Variants in BSND observed in about 807,000 individuals in gnomAD.
BSND encodes barttin.
BSND carries 13 observed loss-of-function variants against 18.8 expected under a neutral mutation model. The ratio of observed to expected loss-of-function variants is 0.69; its 90% CI spans 0.45 to 1.10. BSND has a LOEUF of 1.10. Ranked by LOEUF, BSND falls within the 50% of genes least tolerant of loss-of-function variation. The probability of loss-of-function intolerance (pLI) is 0.00; values close to 1 mark genes in which losing one functional copy is unlikely to be tolerated. For missense variants in BSND, 379 were observed against 416.7 expected (o/e 0.91, Z 0.79); for synonymous variants, 170 against 161.8 (o/e 1.05, Z -0.39).
intron 1 of BSND, among the ~76,000 whole-genome samples, chr1:55,003,130 C>G (rs576071686): frequency 4.0e-3 from 75 of 18,902 alleles, no homozygotes; most frequent in African/African-American, 0.011. Flanking sequence ...GAGGAAGAGG[C>G]AGCTTCTAGG....
rs757022807 is a variant in BSND at position 55,007,276 on chromosome 1, A to G, written c.548+4A>G. 7.4e-7 allele frequency: 1 copy of G among 1,359,490 alleles called. No homozygotes were observed. Among genetic ancestry groups the G allele is most frequent in the South Asian group, 1.2e-5 (1 of 86,236 alleles). 84.2% of individuals were successfully genotyped at this position (1,359,490 alleles called of 1,614,324 possible). A position where few individuals can be genotyped will look rare whatever the true frequency, so the allele number is the denominator to read the frequency against. Reference sequence around the variant, plus strand: ...GCCTAACTCAGAGCTGGCCCGGGTGAGTGCTTAGAGGGCAGGAGTGGGGCT... The same window carrying G: ...GCCTAACTCAGAGCTGGCCCGGGTGGGTGCTTAGAGGGCAGGAGTGGGGCT... On this transcript the variant is annotated splice_donor_region_variant and intron_variant, in intron 3 of 3. Coordinates refer to ENST00000651561, the MANE Select transcript of BSND (RefSeq NM_057176.3).
Position 54,999,278 on chromosome 1 carries a change from C to T in BSND, c.92C>T (p.Pro31Leu). 1.2e-6 allele frequency: 2 copies of T among 1,614,098 alleles called. No individual in the cohort carries two copies. Among genetic ancestry groups the T allele is most frequent in the Non-Finnish European group, 8.5e-7 (1 of 1,180,018 alleles). ...LGTFLMSHDR[P>L]QVYGTFYAMG... ...ACGTTCCTCATGAGCCATGATCGGC[C>T]CCAGGTCTACGGCACCTTCTATGCC... Residue 31 changes from proline (P) to leucine (L), a missense_variant, in exon 1 of 4, where the codon CCC (proline) becomes CTC (leucine). By Grantham distance (98) the Pro-to-Leu change is moderately conservative. Coordinates refer to ENST00000651561, the MANE Select transcript of BSND (RefSeq NM_057176.3).
chr1:55,001,848 C>T (rs2101645924), intron 1 of BSND, among the ~76,000 whole-genome samples: 1 of 152,136 alleles, frequency 6.6e-6, no homozygotes, highest in East Asian at 1.9e-4. Flanking sequence ...ATGATCAAAG[C>T]AATGTGGTAA....
chr1:55,002,366 A>G (rs1570270816), intron 1 of BSND, among the ~76,000 whole-genome samples: 1 of 152,138 alleles, frequency 6.6e-6, no homozygotes, highest in African/African-American at 2.4e-5. Flanking sequence ...GGGGCAGGGG[A>G]GCTGTGAGCA....
rs1196130606 is a variant in BSND, at chr1:55,017,041, T to C, written c.*8413T>C. 1.3e-5 allele frequency among the ~76,000 whole-genome samples: 2 copies of C among 152,258 alleles called. No individual in the cohort carries two copies. Among genetic ancestry groups the C allele is most frequent in the African/African-American group, 2.4e-5 (1 of 41,472 alleles). ...TACATTTCTTTGTGAATTTCTTTGA[T>C]GAATTTCTATCTCCTTCATTGGACG... On this transcript the variant is annotated 3_prime_UTR_variant, in exon 4 of 4. Coordinates refer to ENST00000651561, the MANE Select transcript of BSND (RefSeq NM_057176.3).
intron 1 of BSND, among the ~76,000 whole-genome samples, chr1:54,999,893 C>G (rs1380817118): frequency 1.3e-5 from 2 of 152,178 alleles, no homozygotes; most frequent in Admixed American, 1.3e-4. Flanking sequence ...ACTGAGAGCT[C>G]CAGGGTAGGT....
In BSND at chr1:55,014,030, A is replaced by C. The variant is rs1490696136; in HGVS notation, c.*5402A>C. ...GCACCCTCTCCTCCGAATCCCTCCT[A>C]AACTGTGTGCCCCGCTCTGTCCCCA... On this transcript the variant is annotated 3_prime_UTR_variant, in exon 4 of 4. Coordinates refer to ENST00000651561, the MANE Select transcript of BSND (RefSeq NM_057176.3). Among the ~76,000 whole-genome samples, 2 of 152,086 alleles carry C rather than the reference A, an allele frequency of 1.3e-5. No individual in the cohort carries two copies. Among genetic ancestry groups the C allele is most frequent in the African/African-American group, 4.8e-5 (2 of 41,424 alleles).
rs780336269 is a variant in BSND at position 55,008,497 on chromosome 1, A to C, written c.832A>C (p.Lys278Gln). 3.7e-6 allele frequency: 6 copies of C among 1,614,052 alleles called. No individual in the cohort carries two copies. The Admixed American group carries it at 1.0e-4, about 27-fold the overall frequency. The change falls in exon 4 of 4, where the codon AAG becomes CAG. Residue 278 changes from lysine to glutamine, a missense_variant. Transcript: ENST00000651561. ...QRYPRTKVEE[K>Q]EASDTGGEEP... The stretch of plus-strand genomic sequence containing the variant: ...GTACCCAAGGACAAAGGTGGAGGAG[A>C]AGGAGGCTTCGGACACAGGTGGGGA...
intron 3 of BSND, among the ~76,000 whole-genome samples, chr1:55,007,518 T>C (rs1644397851): frequency 6.6e-6 from 1 of 152,100 alleles, no homozygotes; most frequent in East Asian, 1.9e-4. Flanking sequence ...TTCCCTAGCC[T>C]CAGTTTCCCC....
Position 55,016,724 on chromosome 1 carries a change from A to G in BSND, c.*8096A>G, listed in dbSNP as rs899206453. 1.3e-5 allele frequency among the ~76,000 whole-genome samples: 2 copies of G among 152,220 alleles called. No homozygotes were observed. The highest frequency in any genetic ancestry group is 2.4e-5 in the African/African-American group (1 of 41,460). On this transcript the variant is annotated 3_prime_UTR_variant, in exon 4 of 4. Transcript: ENST00000651561. ...AGCTGGGATTACAGGAGCACACCACAGTGCCTGGCTTTATCCTGATAATTT... is the reference window on the plus strand; with the variant it reads ...AGCTGGGATTACAGGAGCACACCACGGTGCCTGGCTTTATCCTGATAATTT...
In BSND at chr1:55,007,039, C is replaced by T. The variant is rs757808729; in HGVS notation, c.315C>T (p.Ala105=). The T allele has an allele frequency of 1.9e-5, 31 of 1,614,020 alleles. 1 individual carries two copies. The highest frequency in any genetic ancestry group is 1.3e-4 in the South Asian group (12 of 91,084). The part of the protein sequence containing the change: ...QPPYVRLWEE[A]AYDQSLPDFS... ...CCTATGTAAGGCTGTGGGAGGAAGC[C>T]GCCTATGACCAGAGCCTGCCTGACT... The change falls in exon 3 of 4, where the codon GCC becomes GCT. Residue 105 remains alanine, a synonymous_variant. Transcript: ENST00000651561.
chr1:55,005,860 C>A (rs1644389084), intron 2 of BSND, among the ~76,000 whole-genome samples: 5 of 152,136 alleles, frequency 3.3e-5, no homozygotes, highest in Admixed American at 3.3e-4. Flanking sequence ...GGAAGCCGGG[C>A]CTGCACTCAG....
At chr1:55,003,407 T>A (rs1040608910) in intron 1 of BSND, among the ~76,000 whole-genome samples, 21 of 152,278 alleles carry the variant, frequency 1.4e-4, no homozygotes, top group African/African-American at 4.6e-4. Flanking sequence ...TTAATTTTTT[T>A]ATTTTTTTTG....
Position 55,007,282 on chromosome 1 carries a change from T to TA in BSND, c.548+11dup. On this transcript the variant is annotated intron_variant, in intron 3 of 3. Transcript: ENST00000651561. ...CTCAGAGCTGGCCCGGGTGAGTGCTTAGAGGGCAGGAGTGGGGCTTCTGCC... is the reference window on the plus strand; with the variant it reads ...CTCAGAGCTGGCCCGGGTGAGTGCTTAAGAGGGCAGGAGTGGGGCTTCTGCC... 6.3e-7 allele frequency: 1 copy of TA among 1,590,054 alleles called. No individual in the cohort carries two copies. The highest frequency in any genetic ancestry group is 8.6e-7 in the Non-Finnish European group (1 of 1,167,156).
rs149067414 is a variant in BSND at position 55,009,287 on chromosome 1, C to T, written c.*659C>T. 3.7e-3 allele frequency: 582 copies of T among 155,610 alleles called. 3 individuals carry two copies. The Middle Eastern group carries it at 0.04, about 11-fold the overall frequency. 9.6% of individuals were successfully genotyped at this position (155,610 alleles called of 1,614,324 possible). Reference sequence around the variant, plus strand: ...TTCGTGCTCACCCTTCAAACCCCTACACAGATGACCTCCCTTGGAAAGGTT... The same window carrying T: ...TTCGTGCTCACCCTTCAAACCCCTATACAGATGACCTCCCTTGGAAAGGTT... On this transcript the variant is annotated 3_prime_UTR_variant, in exon 4 of 4. Coordinates refer to ENST00000651561, the MANE Select transcript of BSND (RefSeq NM_057176.3).
intron 2 of BSND, 51 bp downstream of exon 2, chr1:55,005,167 C>T: frequency 6.5e-7 from 1 of 1,546,504 alleles, no homozygotes; most frequent in Non-Finnish European, 8.9e-7. Flanking sequence ...ATAGGCCAGT[C>T]TCCCCTGACT....
chr1:55,007,881 G>A (rs961932212), intron 3 of BSND, among the ~76,000 whole-genome samples: 3 of 152,198 alleles, frequency 2.0e-5, no homozygotes, highest in South Asian at 2.1e-4. Context: ...AAAGACACCC[G>A]GGGACACCTC....
Position 55,008,486 on chromosome 1 carries a change from A to C in BSND, c.821A>C (p.Lys274Thr), listed in dbSNP as rs547338387. The C allele has an allele frequency of 6.2e-7, 1 of 1,614,198 alleles. No homozygotes were observed. Among genetic ancestry groups the C allele is most frequent in the African/African-American group, 1.3e-5 (1 of 75,054 alleles). Residue 274 changes from lysine (K) to threonine (T), a missense_variant, in exon 4 of 4, where the codon AAG becomes ACG. Transcript: ENST00000651561. ...PNNWQRYPRTKVEEKEASDTG... is the reference protein window; with the variant it reads ...PNNWQRYPRTTVEEKEASDTG... ...AACTGGCAGCGGTACCCAAGGACAA[A>C]GGTGGAGGAGAAGGAGGCTTCGGAC...
At chr1:55,004,909 C>CTGCTT (rs917203256) in intron 1 of BSND, 113 bp from the exon 2 acceptor site, 18 of 962,542 alleles carry the variant, frequency 1.9e-5, no homozygotes, top group Non-Finnish European at 2.9e-5. Context: ...GGGAGGCCTC[C>CTGCTT]GTGGTGCAGC....
Sources: allele counts gnomAD v4.1 joint callset (sites outside exome capture counted in the v4.1 genomes callset), GRCh38; gene constraint gnomAD v4.1.1; transcripts MANE v1.5; gene names NCBI Gene and HGNC (gene_info 2026-07-23, HGNC 2026-07-21).